Variants in NARS2 observed in about 807,000 individuals in gnomAD.
The protein encoded by NARS2 is asparaginyl-tRNA synthetase 2, mitochondrial.
In NARS2, 60 loss-of-function variants were observed where a neutral mutation model predicts 62.9. The observed-to-expected ratio is 0.95, with a 90% CI of 0.77 to 1.18. The LOEUF is 1.18. Ranked by LOEUF, NARS2 falls within the 50% of genes most tolerant of loss-of-function variation. The pLI is 0.00. For synonymous variants in NARS2, 196 were observed against 200.0 expected, an observed-to-expected ratio of 0.98 and a Z score of 0.17; for missense variants, 619 against 576.4, an observed-to-expected ratio of 1.07 and a Z score of -0.76.
At chr11:78,486,987 T>A (rs954936989) in intron 7 of NARS2, among the ~76,000 whole-genome samples, 1 of 152,138 alleles carries the variant, frequency 6.6e-6, no homozygotes, top group African/African-American at 2.4e-5. Context: ...ATTATCATAA[T>A]GAAGACAAAA....
Position 78,522,130 on chromosome 11 carries a change from T to TC in NARS2, c.689+6711_689+6712insG, listed in dbSNP as rs1246327566. On this transcript the variant is annotated intron_variant, in intron 6 of 13. Coordinates refer to ENST00000281038, the MANE Select transcript of NARS2 (RefSeq NM_024678.6). The stretch of plus-strand genomic sequence containing the variant: ...ACTACATCCAGCTAATTTTTTTTTT[T>TC]TTTTTTTTGGTAGAGATAAGGTTTC... 1.0e-3 allele frequency among the ~76,000 whole-genome samples: 158 copies of TC among 151,738 alleles called. 1 individual carries two copies. Among genetic ancestry groups the TC allele is most frequent in the Middle Eastern group, 6.8e-3 (2 of 294 alleles).
At chr11:78,528,709 T>G in intron 6 of NARS2, 133 bp downstream of exon 6, 1 of 640,930 alleles carries the variant, frequency 1.6e-6, no homozygotes, top group Non-Finnish European at 2.7e-6. Flanking sequence ...AGTAAGAAGC[T>G]TAAATATTTT....
intron 11 of NARS2, among the ~76,000 whole-genome samples, chr11:78,449,849 T>C (rs1296602107): frequency 6.6e-6 from 1 of 152,144 alleles, no homozygotes; most frequent in Non-Finnish European, 1.5e-5. Flanking sequence ...GAGGGGAACA[T>C]AATAATCCCT....
intron 7 of NARS2, among the ~76,000 whole-genome samples, chr11:78,487,361 A>T (rs1476753861): frequency 6.6e-6 from 1 of 151,798 alleles, no homozygotes; most frequent in African/African-American, 2.4e-5. Context: ...GTCTAAAAAA[A>T]AAAAAAAAAG....
At chr11:78,462,868 A>G (rs923798883) in intron 11 of NARS2, among the ~76,000 whole-genome samples, 8 of 152,130 alleles carry the variant, frequency 5.3e-5, no homozygotes, top group Admixed American at 4.6e-4. Flanking sequence ...AGTGGGCCCT[A>G]ATCTACATTT....
chr11:78,462,765 T>G (rs1284833569), intron 11 of NARS2, among the ~76,000 whole-genome samples: 3 of 152,140 alleles, frequency 2.0e-5, no homozygotes, highest in Admixed American at 2.0e-4. Flanking sequence ...TAGTAAACGG[T>G]GGCTAATACA....
intron 11 of NARS2, among the ~76,000 whole-genome samples, chr11:78,464,802 A>C (rs868017724): frequency 2.6e-5 from 4 of 152,296 alleles, no homozygotes; most frequent in South Asian, 2.1e-4. Flanking sequence ...GTGTGTTTAC[A>C]AACCTTGAGC....
chr11:78,444,533 C>T (rs1399835092), intron 11 of NARS2, among the ~76,000 whole-genome samples: 1 of 151,910 alleles, frequency 6.6e-6, no homozygotes, highest in East Asian at 1.9e-4. Context: ...TTGGGGGCAA[C>T]ATGGTACAAC....
Position 78,493,074 on chromosome 11 carries a change from C to T in NARS2, c.811G>A (p.Asp271Asn). ...AEISFVDSLQDLMQVIEELFK... is the reference protein window; with the variant it reads ...AEISFVDSLQNLMQVIEELFK... ...ACTTGTGTACCTACCTGCATAAGAT[C>T]TTGAAGGCTGTCAACAAAAGAAATC... The change falls in exon 7 of 14, where the codon GAT becomes AAT. Residue 271 changes from aspartate to asparagine, a missense_variant. Coordinates refer to ENST00000281038, the MANE Select transcript of NARS2 (RefSeq NM_024678.6). The T allele has an allele frequency of 6.2e-7, 1 of 1,612,428 alleles. No homozygotes were observed. Among genetic ancestry groups the T allele is most frequent in the Non-Finnish European group, 8.5e-7 (1 of 1,179,406 alleles).
intron 11 of NARS2, among the ~76,000 whole-genome samples, chr11:78,461,535 A>G (rs1042582003): frequency 3.4e-4 from 51 of 150,050 alleles, no homozygotes; most frequent in African/African-American, 1.2e-3. Flanking sequence ...AGCTACTTCA[A>G]CGGTGTGATA....
At chr11:78,530,527 GCA>G (rs1861439239) in intron 5 of NARS2, among the ~76,000 whole-genome samples, 5 of 152,182 alleles carry the variant, frequency 3.3e-5, no homozygotes, top group Admixed American at 3.3e-4. Flanking sequence ...AGGCTGAAGT[GCA>G]GTGGCGCGAT....
chr11:78,491,072 G>A (rs1859799254), intron 7 of NARS2, among the ~76,000 whole-genome samples: 1 of 152,226 alleles, frequency 6.6e-6, no homozygotes, highest in African/African-American at 2.4e-5. Flanking sequence ...ATGGGCTCAA[G>A]TGAAAGCTAC....
chr11:78,571,569 T>G, intron 1 of NARS2, 125 bp from the exon 2 acceptor site: 1 of 635,944 alleles, frequency 1.6e-6, no homozygotes, highest in Non-Finnish European at 2.8e-6. Context: ...TCAACTTCTT[T>G]TAGTTCACCA....
chr11:78,549,419 C>T (rs1373265674), intron 5 of NARS2, among the ~76,000 whole-genome samples: 2 of 152,198 alleles, frequency 1.3e-5, no homozygotes, highest in Non-Finnish European at 2.9e-5. Flanking sequence ...AAGGAACTGA[C>T]TTCATTGCAA....
intron 5 of NARS2, among the ~76,000 whole-genome samples, chr11:78,532,555 T>A (rs1861518152): frequency 6.6e-6 from 1 of 152,224 alleles, no homozygotes; most frequent in African/African-American, 2.4e-5. Context: ...GAGCCTTGAA[T>A]AAAATGTGAT....
intron 6 of NARS2, among the ~76,000 whole-genome samples, chr11:78,510,334 C>G (rs2135385322): frequency 6.6e-6 from 1 of 152,230 alleles, no homozygotes; most frequent in East Asian, 1.9e-4. Context: ...GGTGGCTATA[C>G]TATTATCAAA....
At chr11:78,571,076 G>A (rs1390966248) in intron 2 of NARS2, among the ~76,000 whole-genome samples, 2 of 152,158 alleles carry the variant, frequency 1.3e-5, no homozygotes, top group Admixed American at 1.3e-4. Flanking sequence ...CAGCTTAAGG[G>A]AGCCGCAGGT....
At chr11:78,544,312 T>C (rs1011993755) in intron 5 of NARS2, among the ~76,000 whole-genome samples, 3 of 152,226 alleles carry the variant, frequency 2.0e-5, no homozygotes, top group Admixed American at 2.0e-4. Flanking sequence ...GGAATGTTTC[T>C]GGTTGTCATA....
Position 78,527,058 on chromosome 11 carries a change from C to G in NARS2, c.689+1784G>C, listed in dbSNP as rs375131609. On this transcript the variant is annotated intron_variant, in intron 6 of 13. Coordinates refer to ENST00000281038, the MANE Select transcript of NARS2 (RefSeq NM_024678.6). Reference sequence around the variant, plus strand: ...ATAACCCGTATTAAGTGAAGTTACACGCTAATTTACAGATCTTTCCCAGCA... The same window carrying G: ...ATAACCCGTATTAAGTGAAGTTACAGGCTAATTTACAGATCTTTCCCAGCA... Among the ~76,000 whole-genome samples the G allele has an allele frequency of 1.3e-4, 20 of 152,246 alleles. No homozygotes were observed. The South Asian group carries it at 3.9e-3, about 30-fold the overall frequency.
Sources: allele counts gnomAD v4.1 joint callset (sites outside exome capture counted in the v4.1 genomes callset), GRCh38; gene constraint gnomAD v4.1.1; transcripts MANE v1.5; gene names NCBI Gene and HGNC (gene_info 2026-07-23, HGNC 2026-07-21).